The following DOCK3 variants were observed in gnomAD, a reference collection of about 807,000 sequenced individuals.
DOCK3 encodes dedicator of cytokinesis protein 3.
Under a neutral mutation model 265.6 loss-of-function variants are expected in DOCK3, and 60 were observed. That is an observed-to-expected ratio of 0.23 (90% CI 0.18 to 0.28). The LOEUF (loss-of-function observed/expected upper bound fraction) is 0.28, where lower values mean the gene tolerates loss of function less well. DOCK3 is among the 10% of genes least tolerant of loss of function. The pLI, the probability that DOCK3 is intolerant of heterozygous loss-of-function variation, is 1.00. For missense variants in DOCK3, 1,981 were observed against 2,594.3 expected (o/e 0.76, Z 5.14); for synonymous variants, 881 against 938.0 (o/e 0.94, Z 1.11).
chr3:50,789,947 C>G (rs1027009935), intron 2 of DOCK3, among the ~76,000 whole-genome samples: 1 of 152,074 alleles, frequency 6.6e-6, no homozygotes, highest in African/African-American at 2.4e-5. Context: ...TTGGCCAGAC[C>G]GGTCTGGAAC....
intron 1 of DOCK3, among the ~76,000 whole-genome samples, chr3:50,773,742 CT>C (rs1265938671): frequency 6.6e-6 from 1 of 152,048 alleles, no homozygotes; most frequent in East Asian, 1.9e-4. Context: ...CCTGCAATGA[CT>C]TGAGACTACA....
At chr3:51,018,414 A>G (rs1022091642) in intron 5 of DOCK3, among the ~76,000 whole-genome samples, 1 of 150,604 alleles carries the variant, frequency 6.6e-6, no homozygotes, top group Admixed American at 6.7e-5. Flanking sequence ...CCTGGGCAAC[A>G]AAGTGAGACA....
At chr3:51,014,611 C>T (rs897430945) in intron 5 of DOCK3, among the ~76,000 whole-genome samples, 1 of 151,960 alleles carries the variant, frequency 6.6e-6, no homozygotes, top group African/African-American at 2.4e-5. Context: ...TTCTTTTTTG[C>T]TCAGAATGGT....
chr3:50,793,969 T>G (rs2042631617), intron 2 of DOCK3, among the ~76,000 whole-genome samples: 1 of 152,220 alleles, frequency 6.6e-6, no homozygotes, highest in African/African-American at 2.4e-5. Flanking sequence ...TTGTTGATTT[T>G]TGCCTTGATT....
At chr3:51,014,944 A>G (rs1241457136) in intron 5 of DOCK3, among the ~76,000 whole-genome samples, 3 of 152,106 alleles carry the variant, frequency 2.0e-5, no homozygotes, top group African/African-American at 4.8e-5. Context: ...CAGATTGTTC[A>G]CTGTTGACAT....
rs561359154 is a variant in DOCK3, at chr3:50,678,180, G to A, written c.37+2880G>A. Reference sequence around the variant, plus strand: ...TGTCTTGCTTTCTTTTTGTGGTACTGTAAGGTACTGTTCTTTACTGTACCC... The same window carrying A: ...TGTCTTGCTTTCTTTTTGTGGTACTATAAGGTACTGTTCTTTACTGTACCC... On this transcript the variant is annotated intron_variant, in intron 1 of 52. Coordinates refer to ENST00000266037, the MANE Select transcript of DOCK3 (RefSeq NM_004947.5). Among the ~76,000 whole-genome samples, 9 of 151,744 alleles carry A rather than the reference G, an allele frequency of 5.9e-5. No individual in the cohort carries two copies. In the South Asian group the frequency reaches 1.9e-3, roughly 32 times the overall value.
chr3:51,366,875 C>G (rs1402091756), intron 49 of DOCK3, among the ~76,000 whole-genome samples: 2 of 152,166 alleles, frequency 1.3e-5, no homozygotes, highest in African/African-American at 4.8e-5. Flanking sequence ...AATTTCTTTT[C>G]TTTTACATTT....
At chr3:51,340,774 G>A (rs1397979967) in intron 37 of DOCK3, among the ~76,000 whole-genome samples, 1 of 152,196 alleles carries the variant, frequency 6.6e-6, no homozygotes. Flanking sequence ...CATAGAGTAA[G>A]ATGTTGCCAG....
At chr3:50,945,005 A>T (rs551835177) in intron 5 of DOCK3, among the ~76,000 whole-genome samples, 1 of 152,146 alleles carries the variant, frequency 6.6e-6, no homozygotes, top group Non-Finnish European at 1.5e-5. Flanking sequence ...AAACCCAAAA[A>T]AGCTTTGTAG....
At chr3:51,110,766 A>G (rs914409529) in intron 9 of DOCK3, among the ~76,000 whole-genome samples, 3 of 152,218 alleles carry the variant, frequency 2.0e-5, no homozygotes, top group African/African-American at 4.8e-5. Context: ...ATTCCACTTG[A>G]AAACTGGCAC....
intron 21 of DOCK3, among the ~76,000 whole-genome samples, chr3:51,246,283 A>C (rs1312171679): frequency 7.6e-6 from 1 of 132,210 alleles, no homozygotes; most frequent in African/African-American, 2.9e-5. Context: ...CCCAAGCTGG[A>C]GTGCAGTGGC....
intron 35 of DOCK3, among the ~76,000 whole-genome samples, chr3:51,334,425 A>G (rs1489110307): frequency 6.6e-6 from 1 of 152,212 alleles, no homozygotes; most frequent in Non-Finnish European, 1.5e-5. Context: ...TAGGAGAGTT[A>G]AGCCTGGATC....
chr3:51,380,342 G>C (rs1222836396), intron 52 of DOCK3, 135 bp downstream of exon 52: 1 of 811,928 alleles, frequency 1.2e-6, no homozygotes, highest in East Asian at 2.7e-5. Flanking sequence ...AGAAGCTGGG[G>C]GTGGCCAGAG....
chr3:51,020,847 T>G (rs945400610), intron 5 of DOCK3, among the ~76,000 whole-genome samples: 7 of 151,922 alleles, frequency 4.6e-5, no homozygotes, highest in African/African-American at 1.5e-4. Context: ...TTTGTATCAG[T>G]ACCATGCTGT....
intron 5 of DOCK3, among the ~76,000 whole-genome samples, chr3:50,975,373 G>T (rs1376429054): frequency 2.0e-5 from 3 of 150,452 alleles, no homozygotes; most frequent in Non-Finnish European, 4.5e-5. Context: ...TTTGTCAAAG[G>T]CCTTTTCCGC....
At chr3:50,722,232 T>C in intron 1 of DOCK3, among the ~76,000 whole-genome samples, 1 of 152,084 alleles carries the variant, frequency 6.6e-6, no homozygotes, top group East Asian at 1.9e-4. Context: ...TTTCCTGAAG[T>C]ACAGAAAGCC....
intron 21 of DOCK3, among the ~76,000 whole-genome samples, chr3:51,243,161 A>T (rs2078685541): frequency 6.6e-6 from 1 of 152,166 alleles, no homozygotes; most frequent in African/African-American, 2.4e-5. Flanking sequence ...GAAGTCTCCC[A>T]CGGGAGCAAG....
At chr3:51,204,323 AAAAC>A (rs749140374) in intron 12 of DOCK3, among the ~76,000 whole-genome samples, 7,108 of 129,340 alleles carry the variant, frequency 0.055, 106 homozygotes, top group East Asian at 0.22. Context: ...TTACAAGAAA[AAAAC>A]AAACAACCCC....
chr3:51,323,046 CAAAG>C (rs1171875790), intron 32 of DOCK3, among the ~76,000 whole-genome samples: 1 of 151,538 alleles, frequency 6.6e-6, no homozygotes, highest in Non-Finnish European at 1.5e-5. Context: ...CCAAAAGAGA[CAAAG>C]AACTGCATTA....
Sources: allele counts gnomAD v4.1 joint callset (sites outside exome capture counted in the v4.1 genomes callset), GRCh38; gene constraint gnomAD v4.1.1; transcripts MANE v1.5; gene names NCBI Gene and HGNC (gene_info 2026-07-23, HGNC 2026-07-21).